AOX1: variants seen among roughly 807,000 people sequenced by gnomAD.
The protein encoded by AOX1 is aldehyde oxidase.
AOX1 carries 153 observed loss-of-function variants against 169.5 expected under a neutral mutation model. The ratio of observed to expected loss-of-function variants is 0.90; its 90% confidence interval spans 0.79 to 1.03. The LOEUF (loss-of-function observed/expected upper bound fraction) is 1.03. AOX1 is among the 50% of genes least tolerant of loss of function. The pLI is 0.00. For synonymous variants in AOX1, 562 were observed against 581.9 expected (o/e 0.97, Z 0.49); for missense variants, 1,656 against 1,663.9 (o/e 1.00, Z 0.08).
chr2:200,673,968 TGAG>T (rs1280415898), downstream of AOX1, among the ~76,000 whole-genome samples: 1 of 152,166 alleles, frequency 6.6e-6, no homozygotes, highest in Non-Finnish European at 1.5e-5. Flanking sequence ...AAAAGTAACT[TGAG>T]GATCTTGTGA....
At chr2:200,628,566 G>C (rs549215278) in intron 20 of AOX1, among the ~76,000 whole-genome samples, 1 of 152,280 alleles carries the variant, frequency 6.6e-6, no homozygotes, top group South Asian at 2.1e-4. Flanking sequence ...TCAGAGCAGA[G>C]AAATCATCCG....
At chr2:200,603,515 A>G (rs531684874) in intron 7 of AOX1, among the ~76,000 whole-genome samples, 159 bp downstream of exon 7, 2 of 152,316 alleles carry the variant, frequency 1.3e-5, no homozygotes, top group East Asian at 3.9e-4. Context: ...AAAAAAAATT[A>G]TATCGCAGCA....
At chr2:200,610,991 C>A (rs960228466) in intron 12 of AOX1, among the ~76,000 whole-genome samples, 2 of 152,084 alleles carry the variant, frequency 1.3e-5, no homozygotes, top group African/African-American at 2.4e-5. Context: ...GTAGCTGGGA[C>A]TACAGGTGCG....
At chr2:200,663,852 C>G (rs1429507985) in intron 31 of AOX1, among the ~76,000 whole-genome samples, 1 of 152,184 alleles carries the variant, frequency 6.6e-6, no homozygotes, top group Non-Finnish European at 1.5e-5. Flanking sequence ...TGCCTGTGTT[C>G]TTGGATTGTG....
intron 23 of AOX1, 62 bp downstream of exon 23, chr2:200,638,364 C>A: frequency 6.9e-7 from 1 of 1,459,838 alleles, no homozygotes; most frequent in Non-Finnish European, 9.6e-7. Context: ...TATCAGTGCG[C>A]AGGGCAGTCT....
intron 10 of AOX1, 72 bp from the exon 11 acceptor site, chr2:200,608,912 A>T: frequency 7.3e-7 from 1 of 1,371,992 alleles, no homozygotes; most frequent in Non-Finnish European, 1.0e-6. Context: ...CTATGTCTGT[A>T]GCTTTGGTCT....
At chr2:200,630,548 GAGGA>G (rs67400406) in intron 20 of AOX1, among the ~76,000 whole-genome samples, 2,610 of 120,532 alleles carry the variant, frequency 0.022, 58 homozygotes, top group Middle Eastern at 0.059. Context: ...GGAAGGAAGG[GAGGA>G]AGGAAGGAAG....
chr2:200,613,767 C>T, intron 14 of AOX1, 37 bp from the exon 15 acceptor site: 1 of 1,584,966 alleles, frequency 6.3e-7, no homozygotes, highest in East Asian at 2.3e-5. Context: ...GGTAATAAAC[C>T]CTGTCAGGCT....
At chr2:200,608,233 C>T (rs985778428) in intron 10 of AOX1, among the ~76,000 whole-genome samples, 23 of 152,116 alleles carry the variant, frequency 1.5e-4, no homozygotes, top group African/African-American at 4.3e-4. Context: ...AATCTAAATA[C>T]TAATTGTCTG....
chr2:200,638,368 G>A, intron 23 of AOX1, 66 bp downstream of exon 23: 6 of 1,381,872 alleles, frequency 4.3e-6, no homozygotes, highest in Non-Finnish European at 6.2e-6. Context: ...AGTGCGCAGG[G>A]CAGTCTTTGG....
At chr2:200,640,198 G>C (rs1023190498) in intron 23 of AOX1, among the ~76,000 whole-genome samples, 1 of 152,128 alleles carries the variant, frequency 6.6e-6, no homozygotes, top group African/African-American at 2.4e-5. Flanking sequence ...CTGGAAGGTA[G>C]TAAAAAATAG....
intron 7 of AOX1, 103 bp downstream of exon 7, chr2:200,603,459 G>A: frequency 2.4e-6 from 2 of 843,084 alleles, no homozygotes; most frequent in Non-Finnish European, 3.8e-6. Context: ...CTAACTTGAG[G>A]TATGTCAACA....
chr2:200,661,420 A>T (rs573949191), intron 29 of AOX1, among the ~76,000 whole-genome samples, 159 bp from the exon 30 acceptor site: 7 of 152,334 alleles, frequency 4.6e-5, no homozygotes, highest in Non-Finnish European at 8.8e-5. Flanking sequence ...GCCGTGAACC[A>T]CAGAGGAGAA....
chr2:200,638,384 C>G, intron 23 of AOX1, 82 bp downstream of exon 23: 1 of 1,224,656 alleles, frequency 8.2e-7, no homozygotes, highest in Non-Finnish European at 1.2e-6. Flanking sequence ...TTTGGCTACT[C>G]TCTAGTGGGG....
intron 14 of AOX1, among the ~76,000 whole-genome samples, 198 bp from the exon 15 acceptor site, chr2:200,613,606 C>T (rs1574921838): frequency 6.6e-6 from 1 of 152,112 alleles, no homozygotes; most frequent in East Asian, 1.9e-4. Flanking sequence ...CTAATATTCC[C>T]CTTTTACAGG....
chr2:200,667,803 A>G (rs2035949466), intron 32 of AOX1, among the ~76,000 whole-genome samples: 1 of 152,086 alleles, frequency 6.6e-6, no homozygotes, highest in African/African-American at 2.4e-5. Context: ...GTGGGGATGG[A>G]CTGAAGTGTT....
At chr2:200,640,947 A>G in intron 23 of AOX1, 151 bp from the exon 24 acceptor site, 2 of 538,784 alleles carry the variant, frequency 3.7e-6, no homozygotes, top group Non-Finnish European at 6.8e-6. Flanking sequence ...AGCTTGCCTA[A>G]GATCACAGAG....
intron 25 of AOX1, among the ~76,000 whole-genome samples, chr2:200,649,806 A>G (rs1435191924): frequency 6.6e-6 from 1 of 152,200 alleles, no homozygotes; most frequent in African/African-American, 2.4e-5. Flanking sequence ...GCAAGGAGGA[A>G]GAGAAGAAGG....
downstream of AOX1, among the ~76,000 whole-genome samples, chr2:200,673,850 C>G (rs2036060461): frequency 6.6e-6 from 1 of 152,202 alleles, no homozygotes; most frequent in Non-Finnish European, 1.5e-5. Context: ...TGTTGTAGCT[C>G]TCACTCTGGA....
Sources: allele counts gnomAD v4.1 joint callset (sites outside exome capture counted in the v4.1 genomes callset), GRCh38; gene constraint gnomAD v4.1.1; transcripts MANE v1.5; gene names NCBI Gene and HGNC (gene_info 2026-07-23, HGNC 2026-07-21).